RAB11FIP4: variants seen among roughly 807,000 people sequenced by gnomAD.
RAB11FIP4 encodes the protein RAB11 family interacting protein 4, also known as rab11 family-interacting protein 4.
In RAB11FIP4, 23 loss-of-function variants were observed where a neutral mutation model predicts 74.3. That is an observed-to-expected ratio of 0.31 (90% CI 0.22 to 0.44). The LOEUF is 0.44. Among genes scored for constraint, RAB11FIP4 ranks in the 20% least tolerant of loss-of-function variants. The probability of loss-of-function intolerance (pLI) is 1.00; values close to 1 mark genes in which losing one functional copy is unlikely to be tolerated. For missense variants in RAB11FIP4, 630 were observed against 863.9 expected (o/e 0.73, Z 3.39); for synonymous variants, 360 against 359.9 (o/e 1.00, Z 0.00).
In RAB11FIP4 at chr17:31,405,417, T is replaced by G. The variant is rs544315161; in HGVS notation, c.159+13406T>G. Among the ~76,000 whole-genome samples the G allele has an allele frequency of 2.0e-5, 3 of 152,256 alleles. No homozygotes were observed. The East Asian group carries it at 5.8e-4, about 29-fold the overall frequency. ...CGGAGTCTCGCTCTGTCGCCCAGGC[T>G]GGAGTGCAGTGGCGTGATCTCGGCT... On this transcript the variant is annotated intron_variant, in intron 1 of 14. Coordinates refer to ENST00000621161, the MANE Select transcript of RAB11FIP4 (RefSeq NM_032932.6).
At chr17:31,406,395 T>C (rs2071041976) in intron 1 of RAB11FIP4, among the ~76,000 whole-genome samples, 1 of 152,146 alleles carries the variant, frequency 6.6e-6, no homozygotes. Flanking sequence ...TGTCTGCTCA[T>C]TTGTCTGGCC....
chr17:31,491,572 T>C (rs2072009068), intron 3 of RAB11FIP4, among the ~76,000 whole-genome samples: 1 of 152,064 alleles, frequency 6.6e-6, no homozygotes, highest in Non-Finnish European at 1.5e-5. Context: ...GCAAGGGCCC[T>C]GAGGTGGGAC....
intron 3 of RAB11FIP4, among the ~76,000 whole-genome samples, chr17:31,464,636 A>G (rs1433154659): frequency 6.6e-6 from 1 of 151,754 alleles, no homozygotes; most frequent in African/African-American, 2.4e-5. Flanking sequence ...TTTTTAGTAG[A>G]AACGAGGTTT....
intron 8 of RAB11FIP4, 21 bp from the exon 9 acceptor site, chr17:31,523,872 C>A: frequency 1.9e-6 from 3 of 1,581,114 alleles, no homozygotes; most frequent in South Asian, 1.1e-5. Flanking sequence ...TTCTCCACCC[C>A]ACCCCGGCCC....
rs145897989 is a variant in RAB11FIP4, at chr17:31,485,708, G to A, written c.337-31943G>A. 9.5e-4 allele frequency among the ~76,000 whole-genome samples: 145 copies of A among 152,252 alleles called. 1 individual carries two copies. Among genetic ancestry groups the A allele is most frequent in the African/African-American group, 3.4e-3 (141 of 41,548 alleles). On this transcript the variant is annotated intron_variant, in intron 3 of 14. Transcript: ENST00000621161. ...GGGCCCAGGGTGCATGGGCTCAATC[G>A]CATACCACACCTTTGAGGAGTGCCT...
In RAB11FIP4 at chr17:31,466,016, G is replaced by A. The variant is rs183957423; in HGVS notation, c.336+31894G>A. On this transcript the variant is annotated intron_variant, in intron 3 of 14. Transcript: ENST00000621161. ...AAATCAGCCGGGTGTGGTAGCACGCGCCTGTAAGTCCCAGCTACTCGGGAG... is the reference window on the plus strand; with the variant it reads ...AAATCAGCCGGGTGTGGTAGCACGCACCTGTAAGTCCCAGCTACTCGGGAG... 7.6e-3 allele frequency among the ~76,000 whole-genome samples: 738 copies of A among 96,578 alleles called. 3 individuals carry two copies. Among genetic ancestry groups the A allele is most frequent in the Non-Finnish European group, 0.013 (483 of 38,386 alleles). 63.4% of individuals were successfully genotyped at this position (96,578 alleles called of 152,430 possible).
chr17:31,415,966 C>G (rs72815650), intron 1 of RAB11FIP4, among the ~76,000 whole-genome samples: 13,756 of 152,126 alleles, frequency 0.09, 1,039 homozygotes, highest in East Asian at 0.31. Flanking sequence ...ATAGTCTGAT[C>G]TGATCGTCAC....
Position 31,512,642 on chromosome 17 carries a change from G to A in RAB11FIP4, c.337-5009G>A, listed in dbSNP as rs9910733. On this transcript the variant is annotated intron_variant, in intron 3 of 14. Transcript: ENST00000621161. The surrounding 1 kb of genome is among the most constrained non-coding windows in gnomAD (Gnocchi z 4.1). ...CTCAGGGCTGGCTCTGGGTCTTGAGGGACAGAGCCCTGGCAAGTCAGACTG... is the reference window on the plus strand; with the variant it reads ...CTCAGGGCTGGCTCTGGGTCTTGAGAGACAGAGCCCTGGCAAGTCAGACTG... 0.022 allele frequency among the ~76,000 whole-genome samples: 3,409 copies of A among 152,212 alleles called. 115 individuals are homozygous for A. Among genetic ancestry groups the A allele is most frequent in the African/African-American group, 0.077 (3,196 of 41,522 alleles).
intron 1 of RAB11FIP4, among the ~76,000 whole-genome samples, chr17:31,421,025 A>G (rs1445423719): frequency 1.3e-5 from 2 of 152,162 alleles, no homozygotes; most frequent in African/African-American, 4.8e-5. Context: ...CAGAGGTTGC[A>G]GTGAGCCGAG....
Position 31,437,268 on chromosome 17 carries a change from C to T in RAB11FIP4, c.336+3146C>T, listed in dbSNP as rs540492790. On this transcript the variant is annotated intron_variant, in intron 3 of 14. Coordinates refer to ENST00000621161, the MANE Select transcript of RAB11FIP4 (RefSeq NM_032932.6). ...GCAGGGAGAGGAAGGGGGCACAATC[C>T]GAAGACCAGCCTGACGGGGCAGACG... Among the ~76,000 whole-genome samples, 115 of 152,226 alleles carry T rather than the reference C, an allele frequency of 7.6e-4. 1 individual carries two copies. Among genetic ancestry groups the T allele is most frequent in the African/African-American group, 2.6e-3 (106 of 41,546 alleles).
intron 2 of RAB11FIP4, among the ~76,000 whole-genome samples, chr17:31,433,514 A>C (rs1292320252): frequency 6.6e-6 from 1 of 152,196 alleles, no homozygotes; most frequent in East Asian, 1.9e-4. Flanking sequence ...TCCCCCTCCC[A>C]GTTCAGTACA....
chr17:31,453,491 G>A (rs1436945138), intron 3 of RAB11FIP4, among the ~76,000 whole-genome samples: 3 of 151,826 alleles, frequency 2.0e-5, no homozygotes, highest in Non-Finnish European at 4.4e-5. Flanking sequence ...GCCTCCCTGA[G>A]CCTCACTTTC....
chr17:31,496,691 G>A (rs1164990341), intron 3 of RAB11FIP4, among the ~76,000 whole-genome samples: 1 of 152,220 alleles, frequency 6.6e-6, no homozygotes, highest in Non-Finnish European at 1.5e-5. Flanking sequence ...GGCTCTGCCT[G>A]ATGGCCTGGA....
chr17:31,392,993 C>T (rs2070890634), intron 1 of RAB11FIP4, among the ~76,000 whole-genome samples: 1 of 151,958 alleles, frequency 6.6e-6, no homozygotes, highest in Non-Finnish European at 1.5e-5. Flanking sequence ...CAGAACAGGT[C>T]GGACCAGGCA....
intron 1 of RAB11FIP4, among the ~76,000 whole-genome samples, chr17:31,402,189 GCATCCATCCATCCATCCATC>G (rs373691832): frequency 9.7e-6 from 1 of 103,290 alleles, no homozygotes; most frequent in Non-Finnish European, 1.7e-5. Context: ...ATCTGTCCAT[GCATCCATCCATCCATCCATC>G]CATCCATCCA....
intron 3 of RAB11FIP4, among the ~76,000 whole-genome samples, chr17:31,516,627 G>A (rs977910368): frequency 5.9e-5 from 9 of 152,246 alleles, no homozygotes; most frequent in East Asian, 5.8e-4. Context: ...GCGCCACCTC[G>A]CCCAGCTAAT....
intron 3 of RAB11FIP4, among the ~76,000 whole-genome samples, chr17:31,459,247 G>T (rs923196847): frequency 1.6e-4 from 24 of 152,212 alleles, no homozygotes; most frequent in African/African-American, 5.5e-4. Context: ...GCTGTTCAGG[G>T]ATCCTGGGAG....
In RAB11FIP4 at chr17:31,478,334, G is replaced by A. The variant is rs149744745; in HGVS notation, c.337-39317G>A. On this transcript the variant is annotated intron_variant, in intron 3 of 14. Transcript: ENST00000621161. Reference sequence around the variant, plus strand: ...AAGATGAACATAACGTCTGCCTTCCGCGCGTGTTGGGAGCCTGGTGCATTG... The same window carrying A: ...AAGATGAACATAACGTCTGCCTTCCACGCGTGTTGGGAGCCTGGTGCATTG... Among the ~76,000 whole-genome samples, 48 of 152,198 alleles carry A rather than the reference G, an allele frequency of 3.2e-4. 1 individual carries two copies. Among genetic ancestry groups the A allele is most frequent in the African/African-American group, 1.1e-3 (45 of 41,524 alleles).
At chr17:31,433,755 A>T (rs1278260490) in intron 2 of RAB11FIP4, among the ~76,000 whole-genome samples, 1 of 151,152 alleles carries the variant, frequency 6.6e-6, no homozygotes. Flanking sequence ...CCCCTCCCCC[A>T]GGAAGGCCTC....
Sources: gnomAD v4.1 joint callset for allele counts (sites outside exome capture counted in the v4.1 genomes callset) on GRCh38, gnomAD v4.1.1 for gene constraint, Gnocchi (gnomAD v3.1) non-coding constraint, MANE v1.5 for transcripts, NCBI Gene and HGNC (gene_info 2026-07-23, HGNC 2026-07-21) for gene names.